The following PARD3B variants were observed in gnomAD, a reference collection of about 807,000 sequenced individuals.
PARD3B encodes partitioning defective 3 homolog B.
PARD3B carries 103 observed loss-of-function variants against 130.2 expected under a neutral mutation model. The observed-to-expected ratio is 0.79, with a 90% CI of 0.67 to 0.93. PARD3B has a LOEUF of 0.93. PARD3B is among the 40% of genes least tolerant of loss of function. The pLI, the probability that PARD3B is intolerant of heterozygous loss-of-function variation, is 0.00. For missense variants in PARD3B, 1,609 were observed against 1,499.2 expected (o/e 1.07, Z -1.21); for synonymous variants, 583 against 553.2 (o/e 1.05, Z -0.76).
Position 205,458,683 on chromosome 2 carries a change from C to T in PARD3B, c.3044+18011C>T, listed in dbSNP as rs150733773. 2.2e-3 allele frequency among the ~76,000 whole-genome samples: 341 copies of T among 152,280 alleles called. No individual in the cohort carries two copies. Among genetic ancestry groups the T allele is most frequent in the Middle Eastern group, 0.01 (3 of 294 alleles). The stretch of plus-strand genomic sequence containing the variant: ...TAATGTCACTATCTGAATAATGTCA[C>T]TATCTGAACTGTGGGTCTGTTCATA... On this transcript the variant is annotated intron_variant, in intron 20 of 22. Transcript: ENST00000406610. The surrounding 1 kb of genome is among the most constrained non-coding windows in gnomAD (Gnocchi z 4.8).
At chr2:204,722,936 G>A (rs751295713) in intron 2 of PARD3B, among the ~76,000 whole-genome samples, 16 of 152,102 alleles carry the variant, frequency 1.1e-4, no homozygotes, top group Non-Finnish European at 2.1e-4. Context: ...GCAAAAATTA[G>A]CATAGAATGG....
chr2:204,960,780 CG>C (rs1690679786), intron 2 of PARD3B, among the ~76,000 whole-genome samples: 1 of 151,822 alleles, frequency 6.6e-6, no homozygotes, highest in African/African-American at 2.4e-5. Flanking sequence ...TAGTGAGGTG[CG>C]GAGACAGGCA....
chr2:205,210,241 TAAAA>T (rs2037554807), intron 15 of PARD3B, among the ~76,000 whole-genome samples: 1 of 151,830 alleles, frequency 6.6e-6, no homozygotes, highest in Non-Finnish European at 1.5e-5. Context: ...TTTTAAAAAA[TAAAA>T]TAAAAAGAAA....
intron 1 of PARD3B, among the ~76,000 whole-genome samples, chr2:204,617,543 T>C (rs187294186): frequency 3.0e-4 from 45 of 152,268 alleles, no homozygotes; most frequent in East Asian, 2.7e-3. Context: ...TTCCAACATT[T>C]TTTTTTCTTT....
chr2:205,154,656 T>A lies in PARD3B; in HGVS notation c.1435-4066T>A, dbSNP rs192394087. Among the ~76,000 whole-genome samples the A allele has an allele frequency of 2.3e-4, 35 of 152,308 alleles. No homozygotes were observed. In the East Asian group the frequency reaches 6.0e-3, roughly 26 times the overall value. On this transcript the variant is annotated intron_variant, in intron 10 of 22. Transcript: ENST00000406610. ...GACTTGGAACCAACCCAAATGTCCA[T>A]CAATGACAGACTGGATTAAGAAAAC...
chr2:205,340,148 T>C (rs1448288841), intron 18 of PARD3B, among the ~76,000 whole-genome samples: 1 of 152,234 alleles, frequency 6.6e-6, no homozygotes, highest in African/African-American at 2.4e-5. Flanking sequence ...AGGAGTTGCA[T>C]TGAATCTATA....
chr2:204,910,930 C>T (rs968278972), intron 2 of PARD3B, among the ~76,000 whole-genome samples: 3 of 152,172 alleles, frequency 2.0e-5, no homozygotes, highest in African/African-American at 7.2e-5. Context: ...GCATGAGACA[C>T]CGCGCCCGGC....
intron 2 of PARD3B, among the ~76,000 whole-genome samples, chr2:204,752,769 CCT>C (rs1236294313): frequency 6.6e-6 from 1 of 152,098 alleles, no homozygotes; most frequent in Non-Finnish European, 1.5e-5. Flanking sequence ...TCTCCCATTC[CCT>C]GTTAACATCT....
intron 2 of PARD3B, among the ~76,000 whole-genome samples, chr2:204,913,644 A>G (rs984943446): frequency 2.0e-5 from 3 of 152,186 alleles, no homozygotes; most frequent in African/African-American, 7.2e-5. Context: ...GCTATGACAA[A>G]AAGCAATACC....
At chr2:204,963,231 T>G (rs879763258) in intron 2 of PARD3B, among the ~76,000 whole-genome samples, 1 of 152,200 alleles carries the variant, frequency 6.6e-6, no homozygotes, top group Non-Finnish European at 1.5e-5. Flanking sequence ...TATAATATTC[T>G]TACTGCATAC....
intron 1 of PARD3B, among the ~76,000 whole-genome samples, chr2:204,591,949 C>G (rs933328881): frequency 6.6e-6 from 1 of 152,146 alleles, no homozygotes; most frequent in Non-Finnish European, 1.5e-5. Flanking sequence ...CTAAAGTTGT[C>G]TTTTAAATAT....
chr2:205,540,198 G>C (rs968346474), intron 21 of PARD3B, among the ~76,000 whole-genome samples: 1 of 151,398 alleles, frequency 6.6e-6, no homozygotes, highest in East Asian at 1.9e-4. Context: ...TTTATATCCC[G>C]AGCAGAGTTC....
intron 2 of PARD3B, among the ~76,000 whole-genome samples, chr2:204,773,316 C>T (rs1300583746): frequency 6.6e-6 from 1 of 151,752 alleles, no homozygotes; most frequent in Non-Finnish European, 1.5e-5. Flanking sequence ...TAGAATTTTA[C>T]AGTTTACAAA....
intron 21 of PARD3B, among the ~76,000 whole-genome samples, chr2:205,538,040 T>C (rs778094591): frequency 1.3e-5 from 2 of 152,194 alleles, no homozygotes; most frequent in Non-Finnish European, 2.9e-5. Flanking sequence ...ATTTAGTTGA[T>C]GCTTTATTCT....
Position 205,562,864 on chromosome 2 carries a change from G to A in PARD3B, c.3260+9461G>A, listed in dbSNP as rs2053188221. 6.6e-6 allele frequency among the ~76,000 whole-genome samples: 1 copy of A among 152,130 alleles called. No homozygotes were observed. The highest frequency in any genetic ancestry group is 6.5e-5 in the Admixed American group (1 of 15,274). On this transcript the variant is annotated intron_variant, in intron 22 of 22. Transcript: ENST00000406610. The surrounding 1 kb of genome is among the most constrained non-coding windows in gnomAD (Gnocchi z 5.4). Reference sequence around the variant, plus strand: ...CCTCCTCCTGTCTTCTCTGACTCCAGCCATTTGCACTGTCCCTTGATTCAA... The same window carrying A: ...CCTCCTCCTGTCTTCTCTGACTCCAACCATTTGCACTGTCCCTTGATTCAA...
At chr2:204,735,460 ATGAT>A (rs2039702338) in intron 2 of PARD3B, among the ~76,000 whole-genome samples, 1 of 152,172 alleles carries the variant, frequency 6.6e-6, no homozygotes, top group African/African-American at 2.4e-5. Context: ...TCATAAGTAA[ATGAT>A]TGGCCAAATC....
At chr2:205,464,082 C>T (rs936798043) in intron 20 of PARD3B, among the ~76,000 whole-genome samples, 2 of 151,884 alleles carry the variant, frequency 1.3e-5, no homozygotes, top group African/African-American at 4.8e-5. Flanking sequence ...TTGTTTTCAA[C>T]CTGTAGTGGA....
chr2:205,432,720 C>T (rs1342615159), intron 19 of PARD3B, among the ~76,000 whole-genome samples: 1 of 151,970 alleles, frequency 6.6e-6, no homozygotes, highest in Admixed American at 6.6e-5. Flanking sequence ...GGTCATACTA[C>T]TCACACTTCA....
At position 205,463,284 on chromosome 2, in the gene PARD3B, CAGTT is replaced by C. The variant is rs1367932633; in HGVS notation, c.3044+22615_3044+22618del. Among the ~76,000 whole-genome samples, 11 of 152,092 alleles carry C rather than the reference CAGTT, an allele frequency of 7.2e-5. No homozygotes were observed. Among genetic ancestry groups the C allele is most frequent in the African/African-American group, 1.9e-4 (8 of 41,408 alleles). ...CAAATTATCATTGCAAGAGTGCACT[CAGTT>C]AGGGGAACTCAGCTGAGGTGAGGAA... On this transcript the variant is annotated intron_variant, in intron 20 of 22. Transcript: ENST00000406610. This position sits in a 1 kb window ranked among gnomAD's most constrained non-coding sequence, Gnocchi z 4.8.
Sources: allele counts gnomAD v4.1 joint callset (sites outside exome capture counted in the v4.1 genomes callset), GRCh38; gene constraint gnomAD v4.1.1; non-coding constraint Gnocchi (gnomAD v3.1); transcripts MANE v1.5; gene names NCBI Gene and HGNC (gene_info 2026-07-23, HGNC 2026-07-21).